KCNT2: variants seen among roughly 807,000 people sequenced by gnomAD.
KCNT2 encodes potassium sodium-activated channel subfamily T member 2.
In KCNT2, 67 loss-of-function variants were observed where a neutral mutation model predicts 153.8. The ratio of observed to expected loss-of-function variants is 0.44; its 90% confidence interval spans 0.36 to 0.53. The LOEUF is 0.53. KCNT2 is among the 20% of genes least tolerant of loss of function. KCNT2 has a pLI of 0.00. For missense variants in KCNT2, 975 were observed against 1,354.8 expected (o/e 0.72, Z 4.40); for synonymous variants, 500 against 458.8 (o/e 1.09, Z -1.15).
At chr1:196,415,550 G>T (rs1410641337) in intron 12 of KCNT2, among the ~76,000 whole-genome samples, 2 of 151,484 alleles carry the variant, frequency 1.3e-5, no homozygotes, top group African/African-American at 4.8e-5. Flanking sequence ...TAAAAAAGAG[G>T]TGAATGATAC....
At chr1:196,590,997 T>C (rs1014807836) in intron 1 of KCNT2, among the ~76,000 whole-genome samples, 4 of 152,014 alleles carry the variant, frequency 2.6e-5, no homozygotes, top group Non-Finnish European at 5.9e-5. Context: ...TATAGTGGCA[T>C]GCACCTGTAC....
chr1:196,515,313 A>G (rs555432839), intron 1 of KCNT2, among the ~76,000 whole-genome samples: 24 of 152,330 alleles, frequency 1.6e-4, no homozygotes, highest in African/African-American at 5.8e-4. Context: ...TCAACTCCAG[A>G]TATAAGACTA....
intron 8 of KCNT2, among the ~76,000 whole-genome samples, chr1:196,435,335 A>G (rs1674559648): frequency 6.7e-6 from 1 of 150,356 alleles, no homozygotes; most frequent in Non-Finnish European, 1.5e-5. Flanking sequence ...TACTTTTCCT[A>G]GTAACTAGTA....
chr1:196,505,291 C>T (rs1681038404), intron 1 of KCNT2, among the ~76,000 whole-genome samples: 1 of 152,144 alleles, frequency 6.6e-6, no homozygotes, highest in Admixed American at 6.6e-5. Flanking sequence ...CCAGTTTCAG[C>T]TTTCTACATA....
intron 8 of KCNT2, among the ~76,000 whole-genome samples, chr1:196,437,997 C>A (rs1332362012): frequency 2.0e-5 from 3 of 151,370 alleles, no homozygotes; most frequent in Admixed American, 1.3e-4. Flanking sequence ...TTTTTATTTG[C>A]TGAGTGCTAA....
chr1:196,409,116 T>C (rs1342856933), intron 12 of KCNT2, among the ~76,000 whole-genome samples: 1 of 150,826 alleles, frequency 6.6e-6, no homozygotes, highest in East Asian at 2.0e-4. Flanking sequence ...CAATACAAAA[T>C]ATTCCTCTTC....
chr1:196,476,343 C>T (rs1340620598), intron 5 of KCNT2, among the ~76,000 whole-genome samples: 4 of 152,034 alleles, frequency 2.6e-5, no homozygotes, highest in Admixed American at 1.3e-4. Flanking sequence ...TATTAATGAA[C>T]ATTAAAGATA....
chr1:196,257,853 A>G, intron 26 of KCNT2: 1 of 985,082 alleles, frequency 1.0e-6, no homozygotes, highest in Non-Finnish European at 1.2e-6. Flanking sequence ...CTCAGGCACT[A>G]GAATAAGATG....
At chr1:196,401,580 G>A (rs1671419490) in intron 12 of KCNT2, among the ~76,000 whole-genome samples, 1 of 151,628 alleles carries the variant, frequency 6.6e-6, no homozygotes, top group Non-Finnish European at 1.5e-5. Context: ...AAACAGATTG[G>A]GAATGACAGA....
At chr1:196,329,275 A>G (rs1040077567) in intron 18 of KCNT2, among the ~76,000 whole-genome samples, 1 of 152,068 alleles carries the variant, frequency 6.6e-6, no homozygotes, top group Admixed American at 6.6e-5. Context: ...ATAGCAGACC[A>G]CCTTCTATCA....
At chr1:196,281,352 TTGAC>T (rs1259138753) in intron 24 of KCNT2, among the ~76,000 whole-genome samples, 2 of 152,272 alleles carry the variant, frequency 1.3e-5, no homozygotes, top group South Asian at 2.1e-4. Context: ...GCACTGGTAA[TTGAC>T]TGGGAAATGT....
intron 25 of KCNT2, among the ~76,000 whole-genome samples, chr1:196,259,940 C>T (rs1381155850): frequency 2.6e-5 from 4 of 151,864 alleles, no homozygotes; most frequent in African/African-American, 9.7e-5. Context: ...TTCTCACCTA[C>T]TTGATAATGT....
chr1:196,381,913 T>G (rs1295970639), intron 13 of KCNT2, among the ~76,000 whole-genome samples: 2 of 152,150 alleles, frequency 1.3e-5, no homozygotes, highest in African/African-American at 2.4e-5. Flanking sequence ...TTTGAATGAC[T>G]GATTCAAAAA....
At chr1:196,240,118 T>A (rs2102252552) in intron 26 of KCNT2, among the ~76,000 whole-genome samples, 1 of 152,206 alleles carries the variant, frequency 6.6e-6, no homozygotes, top group African/African-American at 2.4e-5. Context: ...CGAATATAAC[T>A]TCTGAAAACA....
chr1:196,432,397 G>A (rs1215076269), intron 8 of KCNT2, among the ~76,000 whole-genome samples: 7 of 152,060 alleles, frequency 4.6e-5, no homozygotes, highest in African/African-American at 1.7e-4. Context: ...TGCCAGTGTG[G>A]GAGAGCTGGA....
chr1:196,512,449 C>T (rs1392936373), intron 1 of KCNT2, among the ~76,000 whole-genome samples: 1 of 152,128 alleles, frequency 6.6e-6, no homozygotes, highest in South Asian at 2.1e-4. Flanking sequence ...ACTTAAATTC[C>T]TTGTTCTCTT....
intron 12 of KCNT2, among the ~76,000 whole-genome samples, chr1:196,410,983 CCTT>C: frequency 6.7e-6 from 1 of 149,574 alleles, no homozygotes; most frequent in African/African-American, 2.5e-5. Context: ...TTACTCCCCT[CCTT>C]CTTTCCTTCC....
intron 12 of KCNT2, among the ~76,000 whole-genome samples, chr1:196,401,503 A>T (rs1358842756): frequency 6.6e-6 from 1 of 151,818 alleles, no homozygotes; most frequent in African/African-American, 2.4e-5. Flanking sequence ...TCAGCAGAGT[A>T]ATATAAAGTA....
At chr1:196,434,363 G>A (rs1021423048) in intron 8 of KCNT2, among the ~76,000 whole-genome samples, 4 of 151,982 alleles carry the variant, frequency 2.6e-5, no homozygotes, top group South Asian at 4.2e-4. Context: ...ATTAAAAGCC[G>A]ATCTCTGATT....
Sources: gnomAD v4.1 joint callset for allele counts (sites outside exome capture counted in the v4.1 genomes callset) on GRCh38, gnomAD v4.1.1 for gene constraint, MANE v1.5 for transcripts, NCBI Gene and HGNC (gene_info 2026-07-23, HGNC 2026-07-21) for gene names.